Variants in PPP4R3B observed in about 807,000 individuals in gnomAD.
PPP4R3B encodes protein phosphatase 4 regulatory subunit 3B.
Under a neutral mutation model 95.4 loss-of-function variants are expected in PPP4R3B, and 52 were observed. The observed-to-expected ratio is 0.54, with a 90% CI of 0.44 to 0.69. The LOEUF (loss-of-function observed/expected upper bound fraction) is 0.69, where lower values mean the gene tolerates loss of function less well. Among genes scored for constraint, PPP4R3B ranks in the 30% least tolerant of loss-of-function variants. PPP4R3B has a pLI of 0.00. For missense variants in PPP4R3B, 1,003 were observed against 1,005.9 expected (o/e 1.00, Z 0.04); for synonymous variants, 407 against 343.9 (o/e 1.18, Z -2.03).
intron 11 of PPP4R3B, among the ~76,000 whole-genome samples, chr2:55,574,646 T>G (rs1026479352): frequency 6.6e-6 from 1 of 150,378 alleles, no homozygotes; most frequent in African/African-American, 2.4e-5. Context: ...CAGGCTGGAG[T>G]GCAGTGGCGC....
chr2:55,550,221 T>C (rs886747254), intron 16 of PPP4R3B, among the ~76,000 whole-genome samples: 3 of 152,202 alleles, frequency 2.0e-5, no homozygotes, highest in African/African-American at 7.2e-5. Flanking sequence ...TATCTGGTTC[T>C]TGGATTATTA....
In PPP4R3B at chr2:55,549,827, G is replaced by C. The variant is rs1685043940; in HGVS notation, c.*84C>G. The C allele has an allele frequency of 9.7e-7, 1 of 1,031,014 alleles. No individual in the cohort carries two copies. Among genetic ancestry groups the C allele is most frequent in the African/African-American group, 1.6e-5 (1 of 63,044 alleles). 63.9% of individuals were successfully genotyped at this position (1,031,014 alleles called of 1,614,324 possible). A position where few individuals can be genotyped will look rare whatever the true frequency, so the allele number is the denominator to read the frequency against. ...TTGTATATTTTATAAGTTCAATTGA[G>C]AAAGCTTTCTGATTCAGATTTTCAG... On this transcript the variant is annotated 3_prime_UTR_variant, in exon 17 of 17. Coordinates refer to ENST00000616407, the MANE Select transcript of PPP4R3B (RefSeq NM_001122964.3).
At chr2:55,594,153 T>C (rs1305475964) in intron 4 of PPP4R3B, among the ~76,000 whole-genome samples, 4 of 151,610 alleles carry the variant, frequency 2.6e-5, no homozygotes, top group Non-Finnish European at 5.9e-5. Flanking sequence ...CAAAAAGGGG[T>C]AGGATGGGAG....
At chr2:55,570,332 T>C (rs1687849663) in intron 12 of PPP4R3B, among the ~76,000 whole-genome samples, 1 of 152,218 alleles carries the variant, frequency 6.6e-6, no homozygotes, top group African/African-American at 2.4e-5. Context: ...TTACAAGCTA[T>C]TTTACCTGGC....
intron 8 of PPP4R3B, among the ~76,000 whole-genome samples, chr2:55,580,233 G>C (rs143001131): frequency 2.3e-4 from 35 of 152,150 alleles, no homozygotes; most frequent in African/African-American, 8.2e-4. Context: ...AAACTGCTAA[G>C]ACAGTAGATT....
intron 11 of PPP4R3B, among the ~76,000 whole-genome samples, chr2:55,575,320 G>A (rs929766711): frequency 6.6e-6 from 1 of 152,168 alleles, no homozygotes; most frequent in Admixed American, 6.5e-5. Context: ...TTCTTTCCCT[G>A]AGGCTTTGGT....
intron 4 of PPP4R3B, 129 bp from the exon 5 acceptor site, chr2:55,589,085 G>A: frequency 3.4e-6 from 2 of 580,684 alleles, no homozygotes; most frequent in Middle Eastern, 4.7e-4. Flanking sequence ...AATATTCTGG[G>A]GTGTATTTCT....
chr2:55,608,940 A>G (rs866113125), intron 2 of PPP4R3B, among the ~76,000 whole-genome samples: 9 of 152,172 alleles, frequency 5.9e-5, no homozygotes, highest in African/African-American at 1.9e-4. Context: ...TAATCATGCC[A>G]CCGTGCTTTT....
Position 55,586,681 on chromosome 2 carries a change from G to C in PPP4R3B, c.1053C>G (p.Asn351Lys). 6.2e-7 allele frequency: 1 copy of C among 1,610,042 alleles called. No homozygotes were observed. The highest frequency in any genetic ancestry group is 8.5e-7 in the Non-Finnish European group (1 of 1,178,202). ...CAFSQTLQPQ[N>K]RDAFFKTLAK... ...CCAATGTTTTGAAAAATGCATCCCT[G>C]TTTTGAGGTTGTAATGTCTGAGAAA... The change falls in exon 6 of 17, where the codon AAC becomes AAG. Residue 351 changes from asparagine (N) to lysine (K), a missense_variant. Physicochemically the swap from Asn to Lys is moderately conservative, Grantham distance 94 (BLOSUM62 0). This residue lies in a region of PPP4R3B where 695 missense variants were observed against 686.2 expected (regional missense o/e 1.01). Coordinates refer to ENST00000616407, the MANE Select transcript of PPP4R3B (RefSeq NM_001122964.3).
At chr2:55,607,596 C>G (rs1264246842) in intron 2 of PPP4R3B, among the ~76,000 whole-genome samples, 1 of 152,168 alleles carries the variant, frequency 6.6e-6, no homozygotes, top group Non-Finnish European at 1.5e-5. Flanking sequence ...GCACATCATC[C>G]TCCAGGAACT....
chr2:55,613,162 A>G (rs1694416675), intron 2 of PPP4R3B, among the ~76,000 whole-genome samples: 1 of 152,082 alleles, frequency 6.6e-6, no homozygotes, highest in Non-Finnish European at 1.5e-5. Flanking sequence ...AATATGAAAA[A>G]CCATGTCTAT....
rs918254610 is a variant in PPP4R3B at position 55,567,422 on chromosome 2, A to AT, written c.1935+771dup. Among the ~76,000 whole-genome samples the AT allele has an allele frequency of 8.2e-4, 122 of 148,468 alleles. 1 individual carries two copies. Among genetic ancestry groups the AT allele is most frequent in the Non-Finnish European group, 1.2e-3 (80 of 66,760 alleles). ...ATGTTGTATTAATGTCTACCAAATG[A>AT]TTTTTTTTTTTGAGACAAGAGTCTT... On this transcript the variant is annotated intron_variant, in intron 13 of 16. Coordinates refer to ENST00000616407, the MANE Select transcript of PPP4R3B (RefSeq NM_001122964.3).
rs1416161234 is a variant in PPP4R3B, at chr2:55,598,773, A to G, written c.564T>C (p.Thr188=). The part of the protein sequence containing the change: ...LFQACENLEN[T]EGLHHLYEII... The stretch of plus-strand genomic sequence containing the variant: ...TTTCATACAAATGGTGTAAGCCTTC[A>G]GTGTTTTCTAGGTTCTCGCAAGCTT... The change falls in exon 4 of 17, where the codon ACT becomes ACC. Residue 188 remains threonine (T), a synonymous_variant. Coordinates refer to ENST00000616407, the MANE Select transcript of PPP4R3B (RefSeq NM_001122964.3). The G allele has an allele frequency of 6.2e-7, 1 of 1,614,214 alleles. No individual in the cohort carries two copies. Among genetic ancestry groups the G allele is most frequent in the East Asian group, 2.2e-5 (1 of 44,878 alleles).
At chr2:55,574,407 A>C (rs1688383506) in intron 11 of PPP4R3B, among the ~76,000 whole-genome samples, 1 of 151,952 alleles carries the variant, frequency 6.6e-6, no homozygotes, top group Non-Finnish European at 1.5e-5. Context: ...TGTTTCTGTA[A>C]TAAATGCTAT....
intron 7 of PPP4R3B, among the ~76,000 whole-genome samples, chr2:55,584,461 C>A (rs576309200): frequency 2.0e-5 from 3 of 152,152 alleles, no homozygotes; most frequent in Non-Finnish European, 2.9e-5. Context: ...GCAGTATACA[C>A]TGCACCCTAT....
chr2:55,565,078 C>A, intron 13 of PPP4R3B, 37 bp from the exon 14 acceptor site: 3 of 1,464,708 alleles, frequency 2.0e-6, no homozygotes, highest in Admixed American at 2.6e-5. Context: ...AAATATAATA[C>A]AATGCTTGTT....
At position 55,598,686 on chromosome 2, in the gene PPP4R3B, C is replaced by T. The variant is rs1383428616; in HGVS notation, c.651G>A (p.Glu217=). 6.2e-7 allele frequency: 1 copy of T among 1,614,204 alleles called. No individual in the cohort carries two copies. The highest frequency in any genetic ancestry group is 8.5e-7 in the Non-Finnish European group (1 of 1,180,044). Residue 217 remains glutamate (E), a synonymous_variant, in exon 4 of 17, where the codon GAG becomes GAA. Coordinates refer to ENST00000616407, the MANE Select transcript of PPP4R3B (RefSeq NM_001122964.3). ...GGCATCCCACGACATCCATGATACACTCATCAGAAAACATTACCTCAAAAA... is the reference window on the plus strand; with the variant it reads ...GGCATCCCACGACATCCATGATACATTCATCAGAAAACATTACCTCAAAAA... ...ATLFEVMFSD[E]CIMDVVGCLE...
chr2:55,549,774 T>C lies in PPP4R3B; in HGVS notation c.*137A>G. 8.8e-6 allele frequency: 6 copies of C among 683,966 alleles called. No individual in the cohort carries two copies. Among genetic ancestry groups the C allele is most frequent in the Non-Finnish European group, 1.5e-5 (6 of 396,090 alleles). 42.4% of individuals were successfully genotyped at this position (683,966 alleles called of 1,614,324 possible). ...GATTTTTATTAGAACTAAACTCTCT[T>C]AGCTGATATACTGTCTTTTGCTACT... is the stretch of plus-strand genomic sequence containing the variant. On this transcript the variant is annotated 3_prime_UTR_variant, in exon 17 of 17. Coordinates refer to ENST00000616407, the MANE Select transcript of PPP4R3B (RefSeq NM_001122964.3).
At chr2:55,576,689 G>A (rs1474883318) in intron 11 of PPP4R3B, among the ~76,000 whole-genome samples, 1 of 152,140 alleles carries the variant, frequency 6.6e-6, no homozygotes, top group African/African-American at 2.4e-5. Context: ...GCGACAGAGT[G>A]AGACTCCATC....
Sources: gnomAD v4.1 joint callset for allele counts (sites outside exome capture counted in the v4.1 genomes callset) on GRCh38, gnomAD v4.1.1 for gene constraint, gnomAD v4.1.1 regional missense constraint, MANE v1.5 for transcripts, NCBI Gene and HGNC (gene_info 2026-07-23, HGNC 2026-07-21) for gene names.